EHMT1: variants seen among roughly 807,000 people sequenced by gnomAD.
EHMT1 encodes euchromatic histone lysine methyltransferase 1.
In EHMT1, 15 loss-of-function variants were observed where a neutral mutation model predicts 147.2. The observed-to-expected ratio is 0.10, with a 90% CI of 0.07 to 0.16. The LOEUF (loss-of-function observed/expected upper bound fraction) is 0.16. Ranked by LOEUF, EHMT1 falls within the 10% of genes least tolerant of loss-of-function variation. The probability of loss-of-function intolerance (pLI) is 1.00; values close to 1 mark genes in which losing one functional copy is unlikely to be tolerated. For missense variants in EHMT1, 1,587 were observed against 1,772.4 expected, an observed-to-expected ratio of 0.90 and a Z score of 1.88; for synonymous variants, 795 against 709.6, an observed-to-expected ratio of 1.12 and a Z score of -1.91.
intron 1 of EHMT1, among the ~76,000 whole-genome samples, chr9:137,689,918 G>C (rs182664987): frequency 5.4e-4 from 82 of 152,334 alleles, no homozygotes; most frequent in African/African-American, 1.8e-3. Flanking sequence ...GCGTGGAGTA[G>C]ACGCGTGGAG....
rs747041329 is a variant in EHMT1, at chr9:137,762,903, G to C, written c.1647+83G>C. On this transcript the variant is annotated intron_variant, in intron 10 of 26. Transcript: ENST00000460843. ...CCAGCAGGGGCCCCGACAGCCCCTCGAGTGAGTTGTGCTGCGTGACCAGGG... is the reference window on the plus strand; with the variant it reads ...CCAGCAGGGGCCCCGACAGCCCCTCCAGTGAGTTGTGCTGCGTGACCAGGG... The C allele has an allele frequency of 4.1e-5, 65 of 1,582,678 alleles. No individual in the cohort carries two copies. The Admixed American group carries it at 9.3e-4, about 23-fold the overall frequency.
At chr9:137,688,428 C>T (rs1329576106) in intron 1 of EHMT1, among the ~76,000 whole-genome samples, 1 of 152,328 alleles carries the variant, frequency 6.6e-6, no homozygotes, top group East Asian at 1.9e-4. Context: ...CTGCTGGACT[C>T]TTTATCCCAC....
chr9:137,815,504 G>A lies in EHMT1; in HGVS notation c.3259-443G>A, dbSNP rs542894413. The A allele has an allele frequency of 6.7e-5, 19 of 285,322 alleles. 1 individual carries two copies. The highest frequency in any genetic ancestry group is 6.6e-4 in the South Asian group (18 of 27,390). 17.7% of individuals were successfully genotyped at this position (285,322 alleles called of 1,614,324 possible). A position where few individuals can be genotyped will look rare whatever the true frequency, so the allele number is the denominator to read the frequency against. ...TGCTGCTGTACCTGGCCTGGCTTCA[G>A]GGGGGTAGAAAGGGGAGCAGAGGGC... On this transcript the variant is annotated intron_variant, in intron 22 of 26. Coordinates refer to ENST00000460843, the MANE Select transcript of EHMT1 (RefSeq NM_024757.5).
At chr9:137,741,614 A>G (rs1005340866) in intron 4 of EHMT1, among the ~76,000 whole-genome samples, 1 of 152,230 alleles carries the variant, frequency 6.6e-6, no homozygotes, top group African/African-American at 2.4e-5. Context: ...GAGAAAGTAC[A>G]TGTAGTCACC....
chr9:137,619,212 G>A (rs1842793385), intron 1 of EHMT1, among the ~76,000 whole-genome samples, 163 bp downstream of exon 1: 1 of 142,324 alleles, frequency 7.0e-6, no homozygotes, highest in African/African-American at 2.5e-5. Context: ...CTCAGGCCGA[G>A]GCCGGGCCGA....
chr9:137,747,110 A>G (rs1366830675), intron 6 of EHMT1: 1 of 152,210 alleles, frequency 6.6e-6, no homozygotes, highest in Non-Finnish European at 1.5e-5. Flanking sequence ...CCATTCTGAG[A>G]CTAAAATATA....
rs1358465095 is a variant in EHMT1, at chr9:137,835,862, T to C, written c.*909T>C. ...AACTTTTTTAAAGATGTTAGTCTTGTAGCGTGAATAAATTTGCCATCACCT... is the reference window on the plus strand; with the variant it reads ...AACTTTTTTAAAGATGTTAGTCTTGCAGCGTGAATAAATTTGCCATCACCT... On this transcript the variant is annotated 3_prime_UTR_variant, in exon 27 of 27. Coordinates refer to ENST00000460843, the MANE Select transcript of EHMT1 (RefSeq NM_024757.5). 1.3e-5 allele frequency: 2 copies of C among 152,602 alleles called. No individual in the cohort carries two copies. The highest frequency in any genetic ancestry group is 2.9e-5 in the Non-Finnish European group (2 of 68,040). The allele number at this position is 152,602 out of a possible 1,614,324, so 9.5% of individuals were successfully genotyped here. A position where few individuals can be genotyped will look rare whatever the true frequency, so the allele number is the denominator to read the frequency against.
intron 1 of EHMT1, among the ~76,000 whole-genome samples, chr9:137,709,385 G>A (rs1261454266): frequency 6.6e-6 from 1 of 152,168 alleles, no homozygotes; most frequent in Non-Finnish European, 1.5e-5. Flanking sequence ...GGGGTGGGAG[G>A]TGGAAACCTG....
intron 18 of EHMT1, among the ~76,000 whole-genome samples, chr9:137,809,197 G>A (rs1954203934): frequency 6.6e-6 from 1 of 152,198 alleles, no homozygotes. Flanking sequence ...GGGGCTGGCC[G>A]TTTGTGGATG....
intron 1 of EHMT1, among the ~76,000 whole-genome samples, chr9:137,681,652 C>T (rs747595666): frequency 6.6e-6 from 1 of 152,148 alleles, no homozygotes; most frequent in Non-Finnish European, 1.5e-5. Context: ...GCCTCCCACG[C>T]CCGTCCACTT....
rs1032869523 is a variant in EHMT1 at position 137,760,621 on chromosome 9, T to C, written c.1502-2054T>C. Among the ~76,000 whole-genome samples, 7 of 152,134 alleles carry C rather than the reference T, an allele frequency of 4.6e-5. No homozygotes were observed. In the South Asian group the frequency reaches 1.4e-3, roughly 32 times the overall value. On this transcript the variant is annotated intron_variant, in intron 9 of 26. Transcript: ENST00000460843. ...CGTGCTTTTTGGCTCTTTGCACAGA[T>C]TTGGATTCTCTCCTGGCCGTGACCA...
At chr9:137,723,509 G>T (rs1313096918) in intron 3 of EHMT1, among the ~76,000 whole-genome samples, 8 of 144,100 alleles carry the variant, frequency 5.6e-5, no homozygotes, top group Non-Finnish European at 1.2e-4. Flanking sequence ...CTGGGCCTGA[G>T]CCCGGGGTGT....
chr9:137,804,963 C>T (rs547720877), intron 18 of EHMT1, among the ~76,000 whole-genome samples: 1 of 150,906 alleles, frequency 6.6e-6, no homozygotes, highest in Non-Finnish European at 1.5e-5. Flanking sequence ...ATGAGTCCGT[C>T]CATGTGTGTC....
In EHMT1 at chr9:137,800,345, C is replaced by T. The variant is rs189738490; in HGVS notation, c.2608-535C>T. The T allele has an allele frequency of 2.8e-3, 468 of 164,994 alleles. 2 individuals are homozygous for T. The highest frequency in any genetic ancestry group is 5.0e-3 in the South Asian group (30 of 6,052). The allele number at this position is 164,994 out of a possible 1,614,324, so 10.2% of individuals were successfully genotyped here. ...CTGCCCAGGAGGAAGCAGGGGCGTC[C>T]GCCTCTGTCCACCTGTCCGTCTCCC... is the stretch of plus-strand genomic sequence containing the variant. On this transcript the variant is annotated intron_variant, in intron 17 of 26. Coordinates refer to ENST00000460843, the MANE Select transcript of EHMT1 (RefSeq NM_024757.5).
intron 1 of EHMT1, among the ~76,000 whole-genome samples, chr9:137,669,336 GGACCCCA>G (rs1564562375): frequency 0.038 from 847 of 22,198 alleles, 320 homozygotes; most frequent in African/African-American, 0.08. Context: ...CACAGCACGT[GGACCCCA>G]CACCACCCAA....
intron 10 of EHMT1, among the ~76,000 whole-genome samples, chr9:137,774,145 C>T (rs1950771780): frequency 6.6e-6 from 1 of 152,238 alleles, no homozygotes; most frequent in African/African-American, 2.4e-5. Context: ...TGTACCGCTG[C>T]CCACTGCTGG....
chr9:137,752,429 C>G, intron 7 of EHMT1, 21 bp downstream of exon 7: 1 of 1,610,752 alleles, frequency 6.2e-7, no homozygotes, highest in Non-Finnish European at 8.5e-7. Context: ...GCGCCTCCTC[C>G]TGCGTCTGTG....
Position 137,813,563 on chromosome 9 carries a change from C to T in EHMT1, c.3180+33C>T, listed in dbSNP as rs1564811276. The T allele has an allele frequency of 1.2e-6, 2 of 1,612,544 alleles. No individual in the cohort carries two copies. The highest frequency in any genetic ancestry group is 1.7e-6 in the Non-Finnish European group (2 of 1,179,816). On this transcript the variant is annotated intron_variant, in intron 21 of 26. Coordinates refer to ENST00000460843, the MANE Select transcript of EHMT1 (RefSeq NM_024757.5). This position sits in a 1 kb window ranked among gnomAD's most constrained non-coding sequence, Gnocchi z 4.9. Reference sequence around the variant, plus strand: ...ACGGCAGATGAAGGGCTGACTCAGGCCAGGACATGGGACAGGCAGAAGCTT... The same window carrying T: ...ACGGCAGATGAAGGGCTGACTCAGGTCAGGACATGGGACAGGCAGAAGCTT...
At chr9:137,740,991 G>T (rs59546175) in intron 4 of EHMT1, among the ~76,000 whole-genome samples, 23,523 of 135,524 alleles carry the variant, frequency 0.17, 5,656 homozygotes, top group African/African-American at 0.56. Context: ...TTTTTTGTTT[G>T]TTTGAGACAG....
Sources: gnomAD v4.1 joint callset for allele counts (sites outside exome capture counted in the v4.1 genomes callset) on GRCh38, gnomAD v4.1.1 for gene constraint, Gnocchi (gnomAD v3.1) non-coding constraint, MANE v1.5 for transcripts, NCBI Gene and HGNC (gene_info 2026-07-23, HGNC 2026-07-21) for gene names.